Variants in NLGN1 observed in about 807,000 individuals in gnomAD.
The protein encoded by NLGN1 is neuroligin-1.
NLGN1 carries 12 observed loss-of-function variants against 65.5 expected under a neutral mutation model. The ratio of observed to expected loss-of-function variants is 0.18; its 90% CI spans 0.12 to 0.30. NLGN1 has a LOEUF of 0.30. NLGN1 is among the 10% of genes least tolerant of loss of function. NLGN1 has a pLI of 1.00. For missense variants in NLGN1, 750 were observed against 1,007.1 expected (o/e 0.74, Z 3.46); for synonymous variants, 350 against 359.5 (o/e 0.97, Z 0.30).
At chr3:173,921,424 G>A (rs1001260260) in intron 4 of NLGN1, among the ~76,000 whole-genome samples, 4 of 150,814 alleles carry the variant, frequency 2.7e-5, no homozygotes, top group East Asian at 1.9e-4. Flanking sequence ...GCATTTACAC[G>A]TAAAAAAATG....
chr3:174,133,625 C>T, intron 4 of NLGN1, among the ~76,000 whole-genome samples: 1 of 152,048 alleles, frequency 6.6e-6, no homozygotes, highest in Non-Finnish European at 1.5e-5. Flanking sequence ...CAAGGTAGGT[C>T]AGAGCTCCTT....
At chr3:173,522,557 A>G (rs545215326) in intron 2 of NLGN1, among the ~76,000 whole-genome samples, 15 of 151,842 alleles carry the variant, frequency 9.9e-5, no homozygotes, top group Non-Finnish European at 1.9e-4. Context: ...CAGGCTCCCA[A>G]GTAGCTGGAA....
chr3:173,728,911 C>A (rs904976269), intron 3 of NLGN1, among the ~76,000 whole-genome samples: 3 of 151,936 alleles, frequency 2.0e-5, no homozygotes, highest in African/African-American at 7.3e-5. Context: ...TTTAAGCCAC[C>A]GAGTTTGTGG....
chr3:174,032,439 T>C (rs1489903219), intron 4 of NLGN1, among the ~76,000 whole-genome samples: 5 of 152,136 alleles, frequency 3.3e-5, no homozygotes, highest in Non-Finnish European at 5.9e-5. Context: ...TTGATAACCA[T>C]TGGTGTACAA....
intron 3 of NLGN1, among the ~76,000 whole-genome samples, chr3:173,606,893 G>A (rs962751974): frequency 6.6e-5 from 10 of 151,842 alleles, no homozygotes; most frequent in Admixed American, 2.0e-4. Flanking sequence ...AATAACTGCA[G>A]TAATTTACAT....
At chr3:173,426,185 A>G (rs1038054262) in intron 1 of NLGN1, among the ~76,000 whole-genome samples, 1 of 152,040 alleles carries the variant, frequency 6.6e-6, no homozygotes, top group African/African-American at 2.4e-5. Flanking sequence ...TTAGTATTAT[A>G]TTTTGCAACT....
intron 2 of NLGN1, among the ~76,000 whole-genome samples, chr3:173,568,930 G>A (rs1423428302): frequency 1.3e-5 from 2 of 152,058 alleles, no homozygotes; most frequent in African/African-American, 4.8e-5. Context: ...CACCGGGCTC[G>A]GCCTCCCAAA....
intron 1 of NLGN1, among the ~76,000 whole-genome samples, chr3:173,406,799 G>A (rs1439438844): frequency 6.6e-6 from 1 of 151,914 alleles, no homozygotes; most frequent in Admixed American, 6.6e-5. Flanking sequence ...CCAGAGGTGT[G>A]CCACTCTCCT....
At chr3:173,510,413 T>C (rs970923627) in intron 2 of NLGN1, among the ~76,000 whole-genome samples, 1 of 152,228 alleles carries the variant, frequency 6.6e-6, no homozygotes, top group African/African-American at 2.4e-5. Flanking sequence ...CTTCCTAGTA[T>C]GTCATCACTA....
intron 3 of NLGN1, among the ~76,000 whole-genome samples, chr3:173,665,004 GTTGGTC>G (rs893126553): frequency 6.6e-5 from 10 of 152,164 alleles, no homozygotes; most frequent in Admixed American, 2.6e-4. Context: ...CTGGCATATG[GTTGGTC>G]CTTATAAATA....
At chr3:174,127,278 C>G (rs1719139066) in intron 4 of NLGN1, among the ~76,000 whole-genome samples, 1 of 152,090 alleles carries the variant, frequency 6.6e-6, no homozygotes, top group South Asian at 2.1e-4. Context: ...ATCTGTATTC[C>G]TCTCCTTTCA....
chr3:173,842,327 C>T (rs1261876912), intron 4 of NLGN1, among the ~76,000 whole-genome samples: 1 of 152,134 alleles, frequency 6.6e-6, no homozygotes, highest in Non-Finnish European at 1.5e-5. Flanking sequence ...CATTCCACCC[C>T]TAGCCTCTGC....
chr3:173,856,219 A>G (rs1727931400), intron 4 of NLGN1, among the ~76,000 whole-genome samples: 1 of 152,108 alleles, frequency 6.6e-6, no homozygotes, highest in South Asian at 2.1e-4. Context: ...TGTTGTTGCA[A>G]CATGTTCAGG....
At chr3:173,757,972 A>G (rs771825240) in intron 3 of NLGN1, among the ~76,000 whole-genome samples, 1 of 152,006 alleles carries the variant, frequency 6.6e-6, no homozygotes, top group Non-Finnish European at 1.5e-5. Context: ...CCCCTCCCCA[A>G]ATTCAGATAT....
chr3:173,948,119 CAT>C (rs1747527023), intron 4 of NLGN1, among the ~76,000 whole-genome samples: 1 of 152,172 alleles, frequency 6.6e-6, no homozygotes, highest in Non-Finnish European at 1.5e-5. Context: ...GCTATGAACA[CAT>C]ATTTTATTGT....
chr3:174,091,496 C>T (rs989160146), intron 4 of NLGN1, among the ~76,000 whole-genome samples: 1 of 152,160 alleles, frequency 6.6e-6, no homozygotes, highest in Admixed American at 6.5e-5. Context: ...TAGTCAGGGA[C>T]CATGCTGCTT....
At chr3:174,051,318 A>G (rs994514090) in intron 4 of NLGN1, among the ~76,000 whole-genome samples, 13 of 152,008 alleles carry the variant, frequency 8.6e-5, no homozygotes, top group Admixed American at 5.9e-4. Context: ...TTTAAGAGAG[A>G]GGCCAAGTGA....
chr3:174,253,588 G>A (rs1745148496), intron 4 of NLGN1, among the ~76,000 whole-genome samples: 1 of 152,154 alleles, frequency 6.6e-6, no homozygotes, highest in South Asian at 2.1e-4. Flanking sequence ...GTGACTTCAA[G>A]CAGGAAAATA....
intron 3 of NLGN1, among the ~76,000 whole-genome samples, chr3:173,722,870 A>G (rs1021304741): frequency 6.6e-6 from 1 of 152,238 alleles, no homozygotes; most frequent in African/African-American, 2.4e-5. Context: ...ATGCATTTCA[A>G]TGAAAGACAG....
Sources: allele counts gnomAD v4.1 joint callset (sites outside exome capture counted in the v4.1 genomes callset), GRCh38; gene constraint gnomAD v4.1.1; transcripts MANE v1.5; gene names NCBI Gene and HGNC (gene_info 2026-07-23, HGNC 2026-07-21).